Variants in NRP1 observed in about 807,000 individuals in gnomAD.
NRP1 encodes neuropilin-1.
Under a neutral mutation model 106.7 loss-of-function variants are expected in NRP1, and 35 were observed. The observed-to-expected ratio is 0.33, with a 90% CI of 0.25 to 0.43. NRP1 has a LOEUF of 0.43. NRP1 is among the 20% of genes least tolerant of loss of function. NRP1 has a pLI of 1.00. For missense variants in NRP1, 1,024 were observed against 1,170.4 expected, an observed-to-expected ratio of 0.87 and a Z score of 1.83; for synonymous variants, 437 against 417.9, an observed-to-expected ratio of 1.05 and a Z score of -0.56.
At chr10:33,253,964 A>G in intron 6 of NRP1, 64 bp downstream of exon 6, 1 of 1,483,478 alleles carries the variant, frequency 6.7e-7, no homozygotes, top group Non-Finnish European at 9.0e-7. Flanking sequence ...CTTTCTTTCA[A>G]CAACCTCTCT....
At chr10:33,293,592 A>G (rs898695517) in intron 2 of NRP1, among the ~76,000 whole-genome samples, 2 of 152,242 alleles carry the variant, frequency 1.3e-5, no homozygotes, top group African/African-American at 2.4e-5. Flanking sequence ...AACCGTCCAC[A>G]GCAAAGTCAG....
chr10:33,283,775 G>T (rs1358129223), intron 2 of NRP1, among the ~76,000 whole-genome samples: 3 of 152,164 alleles, frequency 2.0e-5, no homozygotes, highest in Admixed American at 6.5e-5. Flanking sequence ...AGGAGTAATT[G>T]TGTGTTTAGA....
chr10:33,254,115 G>A lies in NRP1; in HGVS notation c.894C>T (p.Ser298=). 1 of 1,613,904 alleles carries A rather than the reference G, an allele frequency of 6.2e-7. No homozygotes were observed. Among genetic ancestry groups the A allele is most frequent in the South Asian group, 1.1e-5 (1 of 91,068 alleles). ...GGGAGCGCTCTGCAGACCAGTTGGT[G>A]CTATACTGGGAAGAAGCTGTGATCT... ...SDQITASSQY[S]TNWSAERSRL... The change falls in exon 6 of 17, where the codon AGC becomes AGT. Residue 298 remains serine (S), a synonymous_variant. Transcript: ENST00000374867.
chr10:33,184,744 C>A (rs1330651782), intron 15 of NRP1, among the ~76,000 whole-genome samples: 1 of 152,098 alleles, frequency 6.6e-6, no homozygotes, highest in Non-Finnish European at 1.5e-5. Flanking sequence ...TGGATCCTAT[C>A]AAATTATTGC....
intron 8 of NRP1, among the ~76,000 whole-genome samples, chr10:33,215,962 C>A (rs1368699408): frequency 1.3e-5 from 2 of 152,188 alleles, no homozygotes; most frequent in African/African-American, 4.8e-5. Flanking sequence ...TCTGTTCCCT[C>A]CACAAGGAAT....
intron 6 of NRP1, among the ~76,000 whole-genome samples, chr10:33,242,149 C>A (rs779454777): frequency 1.3e-5 from 2 of 152,116 alleles, no homozygotes; most frequent in Non-Finnish European, 2.9e-5. Flanking sequence ...TTTACTCCCC[C>A]CAGAAGACAC....
chr10:33,185,039 A>G (rs563680398), intron 15 of NRP1, among the ~76,000 whole-genome samples: 1 of 152,326 alleles, frequency 6.6e-6, no homozygotes, highest in South Asian at 2.1e-4. Context: ...TTGGTTTTCT[A>G]TGTCTTACAT....
chr10:33,214,932 T>C (rs1000784260), intron 8 of NRP1, among the ~76,000 whole-genome samples: 4 of 152,244 alleles, frequency 2.6e-5, no homozygotes, highest in African/African-American at 7.2e-5. Context: ...TGCGACAGAA[T>C]TGTACACTTA....
intron 2 of NRP1, among the ~76,000 whole-genome samples, chr10:33,292,450 AT>A (rs1429732234): frequency 6.6e-6 from 1 of 152,208 alleles, no homozygotes; most frequent in Non-Finnish European, 1.5e-5. Flanking sequence ...ATTCAAAAAA[AT>A]ATATATGCAT....
intron 6 of NRP1, among the ~76,000 whole-genome samples, chr10:33,234,983 A>G (rs1006055852): frequency 6.6e-6 from 1 of 152,190 alleles, no homozygotes; most frequent in Non-Finnish European, 1.5e-5. Context: ...AGTAAGAAAA[A>G]TGAAGGCCCC....
At chr10:33,236,417 G>A (rs1179627858) in intron 6 of NRP1, among the ~76,000 whole-genome samples, 2 of 152,338 alleles carry the variant, frequency 1.3e-5, no homozygotes, top group African/African-American at 4.8e-5. Flanking sequence ...GGGCATGGGT[G>A]GGTATTGTGC....
chr10:33,332,387 A>G (rs939941849), intron 1 of NRP1, among the ~76,000 whole-genome samples: 1 of 152,218 alleles, frequency 6.6e-6, no homozygotes, highest in Non-Finnish European at 1.5e-5. Flanking sequence ...GAAAACTTGG[A>G]AAGTGACCTC....
At chr10:33,182,188 C>A (rs549353782) in intron 16 of NRP1, among the ~76,000 whole-genome samples, 5 of 152,236 alleles carry the variant, frequency 3.3e-5, no homozygotes, top group African/African-American at 1.2e-4. Context: ...ATCATCATCA[C>A]AAAACCAAGG....
intron 13 of NRP1, among the ~76,000 whole-genome samples, chr10:33,187,732 C>T (rs1168080228): frequency 1.3e-5 from 2 of 152,180 alleles, no homozygotes; most frequent in East Asian, 3.9e-4. Context: ...GCTGCTCGGG[C>T]CTCAGTGGGC....
intron 6 of NRP1, among the ~76,000 whole-genome samples, chr10:33,246,690 A>G (rs755926091): frequency 3.3e-5 from 5 of 152,148 alleles, no homozygotes; most frequent in Non-Finnish European, 7.3e-5. Flanking sequence ...TACATGCATC[A>G]TTCCACATTT....
chr10:33,189,234 T>G, intron 13 of NRP1, among the ~76,000 whole-genome samples: 1 of 152,114 alleles, frequency 6.6e-6, no homozygotes, highest in Admixed American at 6.6e-5. Context: ...TTCATCAATT[T>G]CCTTGTCAAT....
chr10:33,212,635 A>G (rs888930794), intron 9 of NRP1: 3 of 153,082 alleles, frequency 2.0e-5, no homozygotes, highest in African/African-American at 7.2e-5. Flanking sequence ...TAAAAAGGTT[A>G]AGATGGGAAA....
At chr10:33,228,324 A>T (rs1839837646) in intron 6 of NRP1, among the ~76,000 whole-genome samples, 1 of 152,148 alleles carries the variant, frequency 6.6e-6, no homozygotes, top group Admixed American at 6.5e-5. Context: ...GTGAGCTGAG[A>T]TCTCGCCACC....
chr10:33,286,339 G>A (rs1022073471), intron 2 of NRP1, among the ~76,000 whole-genome samples: 3 of 152,168 alleles, frequency 2.0e-5, no homozygotes, highest in African/African-American at 7.2e-5. Flanking sequence ...ACAGAGGGAA[G>A]GATGGATGAC....
Sources: gnomAD v4.1 joint callset for allele counts (sites outside exome capture counted in the v4.1 genomes callset) on GRCh38, gnomAD v4.1.1 for gene constraint, MANE v1.5 for transcripts, NCBI Gene and HGNC (gene_info 2026-07-23, HGNC 2026-07-21) for gene names.